Variants in EP400 observed in about 807,000 individuals in gnomAD.
EP400 encodes E1A binding protein p400.
EP400 carries 105 observed loss-of-function variants against 354.1 expected under a neutral mutation model. The observed-to-expected ratio is 0.30, with a 90% CI of 0.25 to 0.35. The LOEUF (loss-of-function observed/expected upper bound fraction) is 0.35, where lower values mean the gene tolerates loss of function less well. EP400 is among the 10% of genes least tolerant of loss of function. EP400 has a pLI of 1.00. For synonymous variants in EP400, 1,646 were observed against 1,716.9 expected, an observed-to-expected ratio of 0.96 and a Z score of 1.02; for missense variants, 3,280 against 4,121.0, an observed-to-expected ratio of 0.80 and a Z score of 5.59.
chr12:132,016,665 C>G (rs920443965), intron 19 of EP400, among the ~76,000 whole-genome samples: 2 of 152,220 alleles, frequency 1.3e-5, no homozygotes, highest in Admixed American at 1.3e-4. Context: ...AGCCACCGCA[C>G]CCGGCCTTGG....
intron 51 of EP400, among the ~76,000 whole-genome samples, chr12:132,073,023 C>T (rs775626535): frequency 1.3e-5 from 2 of 152,182 alleles, no homozygotes; most frequent in African/African-American, 2.4e-5. Flanking sequence ...TCGTCACCTC[C>T]TGTGAGCAGC....
intron 2 of EP400, among the ~76,000 whole-genome samples, chr12:131,977,199 C>T (rs1754439929): frequency 6.6e-6 from 1 of 152,134 alleles, no homozygotes; most frequent in South Asian, 2.1e-4. Flanking sequence ...TGCAGTAGTG[C>T]AGTCTCGGCT....
chr12:131,951,390 T>C (rs1340600490), intron 1 of EP400, among the ~76,000 whole-genome samples: 2 of 151,574 alleles, frequency 1.3e-5, no homozygotes, highest in African/African-American at 2.4e-5. Flanking sequence ...GCTGTGTTGC[T>C]CAGGCTGGTC....
intron 2 of EP400, among the ~76,000 whole-genome samples, chr12:131,969,392 G>C (rs371671712): frequency 6.6e-5 from 10 of 152,100 alleles, no homozygotes; most frequent in African/African-American, 1.9e-4. Flanking sequence ...CCCATACAAT[G>C]GTCAACATGT....
rs1405130018 is a variant in EP400, at chr12:132,025,884, G to A, written c.5014+80G>A. The stretch of plus-strand genomic sequence containing the variant: ...TCTAAGGCGAGTGGAAAGCATTCAT[G>A]TGTCTTTGACTGTATCTCAGAACAG... On this transcript the variant is annotated intron_variant, in intron 25 of 52. Transcript: ENST00000389561. This position sits in a 1 kb window ranked among gnomAD's most constrained non-coding sequence, Gnocchi z 4.1. The A allele has an allele frequency of 1.0e-5, 15 of 1,450,830 alleles. No individual in the cohort carries two copies. In the Admixed American group the frequency reaches 1.4e-4, roughly 13 times the overall value. The allele number at this position is 1,450,830 out of a possible 1,614,324, so 89.9% of individuals were successfully genotyped here.
chr12:132,055,027 A>C lies in EP400; in HGVS notation c.7774+8A>C. ...GGACGAGCATGCCCACTGGTAAGAC[A>C]AATACAGAGATGCTGAAATGTGGAC... On this transcript the variant is annotated splice_region_variant and intron_variant, in intron 44 of 52. Transcript: ENST00000389561. 6.2e-7 allele frequency: 1 copy of C among 1,614,024 alleles called. No homozygotes were observed. The highest frequency in any genetic ancestry group is 8.5e-7 in the Non-Finnish European group (1 of 1,179,952).
At chr12:132,003,351 A>G (rs1893481337) in intron 12 of EP400, among the ~76,000 whole-genome samples, 1 of 152,214 alleles carries the variant, frequency 6.6e-6, no homozygotes, top group South Asian at 2.1e-4. Context: ...AGATTATTTA[A>G]AATATATGAG....
intron 30 of EP400, among the ~76,000 whole-genome samples, chr12:132,033,693 G>T (rs1894599773): frequency 6.6e-6 from 1 of 152,040 alleles, no homozygotes; most frequent in African/African-American, 2.4e-5. Context: ...TACCATGCCT[G>T]GCTAATGTTT....
intron 12 of EP400, among the ~76,000 whole-genome samples, chr12:131,996,561 G>C (rs1007185883): frequency 2.6e-5 from 4 of 152,214 alleles, no homozygotes; most frequent in African/African-American, 9.6e-5. Context: ...GAAGTGCTGG[G>C]ATTACAGGCT....
chr12:131,982,008 G>T (rs1450418855), intron 4 of EP400, 85 bp from the exon 5 acceptor site: 1 of 1,467,704 alleles, frequency 6.8e-7, no homozygotes, highest in Non-Finnish European at 9.0e-7. Context: ...AAGCACTGGG[G>T]TGTTAGACGT....
rs764565432 is a variant in EP400 at position 132,053,572 on chromosome 12, C to T, written c.7703C>T (p.Thr2568Met). The T allele has an allele frequency of 1.2e-5, 19 of 1,563,298 alleles. No individual in the cohort carries two copies. The East Asian group carries it at 2.8e-4, about 23-fold the overall frequency. Residue 2568 changes from threonine (T) to methionine (M), a missense_variant, in exon 43 of 53, where the codon ACG becomes ATG. Transcript: ENST00000389561. ...QAPAKAQPAITTGGSAAVLAG... is the reference protein window; with the variant it reads ...QAPAKAQPAIMTGGSAAVLAG... ...CCAGCGAAGGCGCAGCCCGCAATCA[C>T]GACGGGGGGCAGTGCAGCCGTACTG...
intron 12 of EP400, among the ~76,000 whole-genome samples, chr12:132,004,726 G>T (rs1215415033): frequency 1.3e-5 from 2 of 152,148 alleles, no homozygotes; most frequent in African/African-American, 2.4e-5. Flanking sequence ...GTACAGTGCT[G>T]TTTCCTGGCT....
chr12:132,018,327 TCAG>T lies in EP400; in HGVS notation c.4233_4235del (p.Ala1412del), dbSNP rs1894013730. On this transcript the variant is annotated inframe_deletion, in exon 21 of 53. Coordinates refer to ENST00000389561, the MANE Select transcript of EP400 (RefSeq NM_015409.5). This position sits in a 1 kb window ranked among gnomAD's most constrained non-coding sequence, Gnocchi z 4.0. ...GAAACTCATGGAGGAAATCTCCACT[TCAG>T]CAGCCCCAGCAGCCCGACCAGCAGC... 1.2e-6 allele frequency: 2 copies of T among 1,612,914 alleles called. No individual in the cohort carries two copies. Among genetic ancestry groups the T allele is most frequent in the African/African-American group, 1.3e-5 (1 of 74,770 alleles).
At chr12:132,014,565 C>A (rs1023874582) in intron 19 of EP400, among the ~76,000 whole-genome samples, 2 of 152,218 alleles carry the variant, frequency 1.3e-5, no homozygotes, top group Non-Finnish European at 2.9e-5. Flanking sequence ...ACACAAAAAA[C>A]CCTGGAAATC....
chr12:131,984,367 G>A (rs1013492919), intron 5 of EP400, among the ~76,000 whole-genome samples: 1 of 152,128 alleles, frequency 6.6e-6, no homozygotes, highest in African/African-American at 2.4e-5. Flanking sequence ...AACCTTATGA[G>A]GTAGAATCTT....
At chr12:132,030,231 T>A in intron 29 of EP400, 73 bp downstream of exon 29, 1 of 1,542,634 alleles carries the variant, frequency 6.5e-7, no homozygotes, top group Non-Finnish European at 8.8e-7. Context: ...GCTGTGTAAA[T>A]TCAGTGGTCT....
Position 132,069,477 on chromosome 12 carries a change from T to G in EP400, c.8875-18T>G. On this transcript the variant is annotated intron_variant, in intron 50 of 52. Transcript: ENST00000389561. ...GCGGCATGGTCTCTGCGGCCCTAAT[T>G]TCGCAGTCTCTCCCCAGATCACCGC... 1 of 1,612,006 alleles carries G rather than the reference T, an allele frequency of 6.2e-7. No homozygotes were observed. The highest frequency in any genetic ancestry group is 1.1e-5 in the South Asian group (1 of 91,008).
rs1895362769 is a variant in EP400 at position 132,053,183 on chromosome 12, G to T, written c.7432G>T (p.Val2478Leu). The T allele has an allele frequency of 6.2e-7, 1 of 1,613,880 alleles. No homozygotes were observed. The change falls in exon 42 of 53, where the codon GTG (valine) becomes TTG (leucine). Residue 2478 changes from valine to leucine, a missense_variant. Transcript: ENST00000389561. ...NYDKPLPPIQ[V>L]ASLRAERIAK... is the part of the protein sequence containing the mutation. The stretch of plus-strand genomic sequence containing the variant: ...TGACAAGCCGCTGCCTCCCATCCAG[G>T]TGGCATCTCTCCGTGCAGAGCGAAT...
rs1379165055 is a variant in EP400, at chr12:132,078,068, T to C, written c.*395T>C. ...TGTGTGAGGAGCATACAATGGACTT[T>C]CTAAAGATAAGGCGTGGGCTTCCAC... On this transcript the variant is annotated 3_prime_UTR_variant, in exon 53 of 53. Transcript: ENST00000389561. The C allele has an allele frequency of 5.4e-6, 1 of 185,312 alleles. No individual in the cohort carries two copies. The highest frequency in any genetic ancestry group is 1.1e-5 in the Non-Finnish European group (1 of 87,016). The allele number at this position is 185,312 out of a possible 1,614,324, so 11.5% of individuals were successfully genotyped here. A position where few individuals can be genotyped will look rare whatever the true frequency, so the allele number is the denominator to read the frequency against.
Sources: gnomAD v4.1 joint callset for allele counts (sites outside exome capture counted in the v4.1 genomes callset) on GRCh38, gnomAD v4.1.1 for gene constraint, Gnocchi (gnomAD v3.1) non-coding constraint, MANE v1.5 for transcripts, NCBI Gene and HGNC (gene_info 2026-07-23, HGNC 2026-07-21) for gene names.